The following LMO7 variants were observed in gnomAD, a reference collection of about 807,000 sequenced individuals.
LMO7 encodes LIM domain only protein 7.
A neutral mutation model predicts 206.5 loss-of-function variants in LMO7; 120 were observed. The observed-to-expected ratio is 0.58, with a 90% CI of 0.50 to 0.68. The LOEUF (loss-of-function observed/expected upper bound fraction) is 0.68. LMO7 is among the 30% of genes least tolerant of loss of function. The probability of loss-of-function intolerance (pLI) is 0.00; values close to 1 mark genes in which losing one functional copy is unlikely to be tolerated. For synonymous variants in LMO7, 706 were observed against 681.5 expected (o/e 1.04, Z -0.56); for missense variants, 1,959 against 1,957.9 (o/e 1.00, Z -0.01).
intron 1 of LMO7, among the ~76,000 whole-genome samples, chr13:75,623,026 C>G (rs1377683632): frequency 6.6e-6 from 1 of 152,020 alleles, no homozygotes; most frequent in Non-Finnish European, 1.5e-5. Flanking sequence ...ACTAGAAAAG[C>G]AAAAATAATT....
At chr13:75,754,806 G>A (rs553707978) in intron 3 of LMO7, among the ~76,000 whole-genome samples, 2 of 152,218 alleles carry the variant, frequency 1.3e-5, no homozygotes, top group Non-Finnish European at 1.5e-5. Context: ...TGAAAGGTGA[G>A]GTGTTAACAA....
At chr13:75,628,933 C>T (rs778126183) in intron 2 of LMO7, among the ~76,000 whole-genome samples, 1 of 152,198 alleles carries the variant, frequency 6.6e-6, no homozygotes, top group Non-Finnish European at 1.5e-5. Flanking sequence ...TGTACAAAAG[C>T]ATTTTCTAAC....
At chr13:75,729,762 G>A (rs2044928137) in intron 3 of LMO7, among the ~76,000 whole-genome samples, 1 of 151,534 alleles carries the variant, frequency 6.6e-6, no homozygotes, top group Non-Finnish European at 1.5e-5. Context: ...TTGTCTGTGG[G>A]TTTGTCATAG....
intron 1 of LMO7, among the ~76,000 whole-genome samples, chr13:75,651,086 A>T (rs2037508502): frequency 6.6e-6 from 1 of 152,196 alleles, no homozygotes; most frequent in Non-Finnish European, 1.5e-5. Flanking sequence ...AATGCTTGTA[A>T]GTCTTGAAAG....
At chr13:75,794,173 A>AG (rs2053665918) in intron 4 of LMO7, among the ~76,000 whole-genome samples, 1 of 152,248 alleles carries the variant, frequency 6.6e-6, no homozygotes, top group Non-Finnish European at 1.5e-5. Flanking sequence ...ATGTATACCT[A>AG]GGAATGGAAT....
At chr13:75,797,658 T>C (rs2054202574) in intron 6 of LMO7, among the ~76,000 whole-genome samples, 1 of 152,184 alleles carries the variant, frequency 6.6e-6, no homozygotes, top group Non-Finnish European at 1.5e-5. Context: ...TTGGAAGAAA[T>C]TTTAGGCCAG....
intron 1 of LMO7, among the ~76,000 whole-genome samples, chr13:75,649,277 A>G (rs7988966): frequency 0.3 from 46,282 of 152,092 alleles, 7,210 homozygotes; most frequent in Middle Eastern, 0.35. Context: ...CATATTGCAT[A>G]TCAGAGGATT....
At chr13:75,762,093 G>A (rs184851962) in intron 4 of LMO7, among the ~76,000 whole-genome samples, 59 of 152,242 alleles carry the variant, frequency 3.9e-4, no homozygotes, top group East Asian at 3.9e-3. Context: ...GGTAGACTTA[G>A]TCTTCCAAAG....
intron 1 of LMO7, among the ~76,000 whole-genome samples, chr13:75,642,991 C>T (rs535618188): frequency 1.1e-4 from 16 of 152,310 alleles, no homozygotes; most frequent in East Asian, 3.9e-4. Context: ...TTGGCCCTTG[C>T]GAAGAAGCCT....
chr13:75,742,323 A>G (rs9544040), intron 3 of LMO7, among the ~76,000 whole-genome samples: 32,429 of 152,110 alleles, frequency 0.21, 4,413 homozygotes, highest in Non-Finnish European at 0.3. Flanking sequence ...AGCAAATTAT[A>G]GATTTAATGC....
intron 4 of LMO7, among the ~76,000 whole-genome samples, chr13:75,776,185 ATATATATATATATATATAT>A (rs1473640345): frequency 2.3e-5 from 2 of 88,426 alleles, no homozygotes; most frequent in African/African-American, 7.3e-5. Flanking sequence ...ATATATATAT[ATATATATATATATATATAT>A]AACGTTAAGT....
Position 75,737,777 on chromosome 13 carries a change from T to TGAAATA in LMO7, c.210+10679_210+10680insGAAATA, listed in dbSNP as rs1555305719. ...CAAAAAAAAAAAAAATAAAATAAAA[T>TGAAATA]AAAATAAAAAAAAAAAAAAAAAAAC... On this transcript the variant is annotated intron_variant, in intron 3 of 30. Transcript: ENST00000377534. Among the ~76,000 whole-genome samples, 39 of 22,686 alleles carry TGAAATA rather than the reference T, an allele frequency of 1.7e-3. 1 individual carries two copies. Among genetic ancestry groups the TGAAATA allele is most frequent in the East Asian group, 7.8e-3 (4 of 512 alleles). 14.9% of individuals were successfully genotyped at this position (22,686 alleles called of 152,430 possible).
At chr13:75,731,358 G>C (rs962277716) in intron 3 of LMO7, among the ~76,000 whole-genome samples, 19 of 152,130 alleles carry the variant, frequency 1.2e-4, no homozygotes, top group African/African-American at 4.6e-4. Flanking sequence ...TCTTCTTGTT[G>C]AATTGATCCC....
intron 1 of LMO7, among the ~76,000 whole-genome samples, chr13:75,636,971 G>A (rs1018949240): frequency 6.6e-6 from 1 of 152,130 alleles, no homozygotes; most frequent in Non-Finnish European, 1.5e-5. Flanking sequence ...TGGCTTCCTA[G>A]GGCAGAGGTG....
intron 3 of LMO7, among the ~76,000 whole-genome samples, chr13:75,739,492 T>C (rs1356646815): frequency 6.6e-6 from 1 of 152,204 alleles, no homozygotes; most frequent in Non-Finnish European, 1.5e-5. Context: ...GATGTGTCAG[T>C]TTCCCTTGCC....
Position 75,730,178 on chromosome 13 carries a change from G to C in LMO7, c.210+3080G>C, listed in dbSNP as rs1403059113. Among the ~76,000 whole-genome samples the C allele has an allele frequency of 4.6e-5, 7 of 152,132 alleles. No individual in the cohort carries two copies. The South Asian group carries it at 8.3e-4, about 18-fold the overall frequency. The stretch of plus-strand genomic sequence containing the variant: ...AGGGAGGATTCCCTCTTTTTCTGTT[G>C]ATTGGAATAGTTTCAGAAGGAATGG... On this transcript the variant is annotated intron_variant, in intron 3 of 30. Transcript: ENST00000377534.
chr13:75,670,589 G>A (rs984687562), intron 1 of LMO7, among the ~76,000 whole-genome samples: 8 of 152,118 alleles, frequency 5.3e-5, no homozygotes, highest in Non-Finnish European at 8.8e-5. Context: ...CATAGAAAAG[G>A]TACAGTAGAA....
intron 15 of LMO7, among the ~76,000 whole-genome samples, chr13:75,832,399 A>T (rs941332510): frequency 1.3e-5 from 2 of 152,176 alleles, no homozygotes; most frequent in Non-Finnish European, 2.9e-5. Context: ...GGATGTGTCA[A>T]TAGGGACCCT....
At chr13:75,761,668 T>G (rs2048240560) in intron 4 of LMO7, among the ~76,000 whole-genome samples, 1 of 152,120 alleles carries the variant, frequency 6.6e-6, no homozygotes, top group East Asian at 1.9e-4. Context: ...TGTGGGAGTA[T>G]ACAGTTTCAG....
Sources: gnomAD v4.1 joint callset for allele counts (sites outside exome capture counted in the v4.1 genomes callset) on GRCh38, gnomAD v4.1.1 for gene constraint, MANE v1.5 for transcripts, NCBI Gene and HGNC (gene_info 2026-07-23, HGNC 2026-07-21) for gene names.